MUSK: variants seen among roughly 807,000 people sequenced by gnomAD.
The protein encoded by MUSK is muscle, skeletal receptor tyrosine-protein kinase.
In MUSK, 55 loss-of-function variants were observed where a neutral mutation model predicts 88.7. That is an observed-to-expected ratio of 0.62 (90% CI 0.50 to 0.78). The LOEUF (loss-of-function observed/expected upper bound fraction) is 0.78, where lower values mean the gene tolerates loss of function less well. Among genes scored for constraint, MUSK ranks in the 30% least tolerant of loss-of-function variants. MUSK has a pLI of 0.00. For missense variants in MUSK, 1,015 were observed against 1,074.3 expected (o/e 0.94, Z 0.77); for synonymous variants, 387 against 391.9 (o/e 0.99, Z 0.15).
chr9:110,776,423 C>A (rs2077672262), intron 10 of MUSK, among the ~76,000 whole-genome samples: 1 of 152,202 alleles, frequency 6.6e-6, no homozygotes, highest in South Asian at 2.1e-4. Context: ...CTTTAATGAA[C>A]TTTGTTTGTA....
At position 110,787,841 on chromosome 9, in the gene MUSK, A is replaced by T; in HGVS notation, c.1927+3A>T. On this transcript the variant is annotated splice_donor_region_variant and intron_variant, in intron 14 of 14. Coordinates refer to ENST00000374448, the MANE Select transcript of MUSK (RefSeq NM_005592.4). The stretch of plus-strand genomic sequence containing the variant: ...CCCTAACATTGTGAAGCTATTAGGT[A>T]TGAAAATACAAGTGAGGATATGTAT... 1 of 1,608,414 alleles carries T rather than the reference A, an allele frequency of 6.2e-7. No individual in the cohort carries two copies. The highest frequency in any genetic ancestry group is 1.3e-5 in the African/African-American group (1 of 75,010).
At chr9:110,691,119 C>T (rs1465196135) in intron 3 of MUSK, among the ~76,000 whole-genome samples, 1 of 151,960 alleles carries the variant, frequency 6.6e-6, no homozygotes, top group Non-Finnish European at 1.5e-5. Context: ...CCCACTTTGG[C>T]CTCCCAAAGT....
chr9:110,682,659 CTCCTT>C lies in MUSK; in HGVS notation c.80-7_80-3del, dbSNP rs750793970. The C allele has an allele frequency of 6.2e-7, 1 of 1,609,040 alleles. No individual in the cohort carries two copies. Among genetic ancestry groups the C allele is most frequent in the Non-Finnish European group, 8.5e-7 (1 of 1,177,394 alleles). ...ATTCTAGAATGTTCTCTTTTGATTTCTCCTTTCCTTTCAGCTCCTGTCATCACCAC... is the reference window on the plus strand; with the variant it reads ...ATTCTAGAATGTTCTCTTTTGATTTCTCCTTTCAGCTCCTGTCATCACCAC... On this transcript the variant is annotated splice_polypyrimidine_tract_variant and intron_variant, in intron 1 of 14. Transcript: ENST00000374448.
chr9:110,689,399 G>A (rs12352970), intron 3 of MUSK, among the ~76,000 whole-genome samples: 75,647 of 108,218 alleles, frequency 0.7, 27,191 homozygotes, highest in African/African-American at 0.87. Flanking sequence ...AAAAATATGT[G>A]AAAAATACAT....
intron 9 of MUSK, among the ~76,000 whole-genome samples, chr9:110,773,242 A>G (rs1032145371): frequency 1.3e-5 from 2 of 152,122 alleles, no homozygotes; most frequent in African/African-American, 4.8e-5. Context: ...GAATGCTTTA[A>G]GGAAGACCAG....
chr9:110,776,043 T>C, intron 10 of MUSK, 80 bp downstream of exon 10: 2 of 1,440,672 alleles, frequency 1.4e-6, no homozygotes, highest in Non-Finnish European at 1.9e-6. Context: ...AACTTAAAGC[T>C]TCTAATATTT....
intron 1 of MUSK, among the ~76,000 whole-genome samples, chr9:110,676,885 T>C (rs2076038252): frequency 6.6e-6 from 1 of 152,178 alleles, no homozygotes; most frequent in Non-Finnish European, 1.5e-5. Flanking sequence ...TTTACAAATT[T>C]CAGAGGCTGT....
chr9:110,763,947 C>T (rs972516190), intron 8 of MUSK, among the ~76,000 whole-genome samples: 1 of 152,042 alleles, frequency 6.6e-6, no homozygotes, highest in African/African-American at 2.4e-5. Flanking sequence ...TTACCTACTC[C>T]CTTTGACCAC....
chr9:110,755,935 T>TATATATATATATACGTATATATATAC lies in MUSK; in HGVS notation c.914-6254_914-6253insCGTATATATATACATATATATATATA, dbSNP rs1564268522. Among the ~76,000 whole-genome samples, 15 of 77,658 alleles carry TATATATATATATACGTATATATATAC rather than the reference T, an allele frequency of 1.9e-4. 3 individuals carry two copies. The East Asian group carries it at 6.3e-3, about 32-fold the overall frequency. The allele number at this position is 77,658 out of a possible 152,430, so 50.9% of individuals were successfully genotyped here. On this transcript the variant is annotated intron_variant, in intron 7 of 14. Transcript: ENST00000374448. ...GTGCCCAGTGCCATATATATATACA[T>TATATATATATATACGTATATATATAC]ATATATATATATATACACATATATA...
chr9:110,738,854 C>A (rs1019793535), intron 6 of MUSK, among the ~76,000 whole-genome samples: 1 of 152,148 alleles, frequency 6.6e-6, no homozygotes, highest in African/African-American at 2.4e-5. Context: ...TAAGATGATA[C>A]CAGTGATGCA....
At chr9:110,761,007 G>A (rs1564272898) in intron 7 of MUSK, among the ~76,000 whole-genome samples, 1 of 152,132 alleles carries the variant, frequency 6.6e-6, no homozygotes, top group Non-Finnish European at 1.5e-5. Context: ...ATGGCAAATT[G>A]GTTTTAGACA....
chr9:110,781,425 C>A (rs953265274), intron 11 of MUSK, among the ~76,000 whole-genome samples: 60 of 152,230 alleles, frequency 3.9e-4, no homozygotes, highest in Non-Finnish European at 7.1e-4. Context: ...TACAGGCGCC[C>A]ACCACCATGC....
In MUSK at chr9:110,781,924, T is replaced by A. The variant is rs73655628; in HGVS notation, c.1385-2891T>A. Among the ~76,000 whole-genome samples, 1,179 of 152,336 alleles carry A rather than the reference T, an allele frequency of 7.7e-3. 15 individuals carry two copies. Among genetic ancestry groups the A allele is most frequent in the African/African-American group, 0.027 (1,127 of 41,576 alleles). On this transcript the variant is annotated intron_variant, in intron 11 of 14. Transcript: ENST00000374448. ...AACTGGTTACTGGCTACTCACCATT[T>A]ATGTTTAACTTACAGTTACTCACTC... is the stretch of plus-strand genomic sequence containing the variant.
chr9:110,775,293 G>A, intron 9 of MUSK: 1 of 165,548 alleles, frequency 6.0e-6, no homozygotes, highest in Non-Finnish European at 1.3e-5. Flanking sequence ...GGGAGGTGGT[G>A]GTGTTCTGTT....
chr9:110,769,928 C>T (rs1281356165), intron 9 of MUSK, among the ~76,000 whole-genome samples: 1 of 151,884 alleles, frequency 6.6e-6, no homozygotes, highest in African/African-American at 2.4e-5. Flanking sequence ...GTGTGACAGC[C>T]ATTGTGGTTT....
chr9:110,714,426 C>G (rs928748774), intron 5 of MUSK, among the ~76,000 whole-genome samples: 12 of 152,146 alleles, frequency 7.9e-5, no homozygotes, highest in Non-Finnish European at 1.6e-4. Context: ...CTTATTTTGT[C>G]CTGGAGAAGA....
chr9:110,688,778 T>C (rs896207032), intron 3 of MUSK, among the ~76,000 whole-genome samples: 1 of 151,930 alleles, frequency 6.6e-6, no homozygotes, highest in Non-Finnish European at 1.5e-5. Flanking sequence ...TCCATGTCCC[T>C]GCAAAGGACA....
intron 11 of MUSK, among the ~76,000 whole-genome samples, chr9:110,783,587 T>C (rs1269184015): frequency 6.6e-6 from 1 of 152,072 alleles, no homozygotes; most frequent in African/African-American, 2.4e-5. Context: ...TTAATTAAAA[T>C]TCCATTGATT....
At position 110,747,666 on chromosome 9, in the gene MUSK, G is replaced by A; in HGVS notation, c.779G>A (p.Ser260Asn). 2 of 1,613,734 alleles carry A rather than the reference G, an allele frequency of 1.2e-6. No homozygotes were observed. Among genetic ancestry groups the A allele is most frequent in the Non-Finnish European group, 1.7e-6 (2 of 1,179,694 alleles). The change falls in exon 7 of 15, where the codon AGT becomes AAT. Residue 260 changes from serine to asparagine, a missense_variant. Transcript: ENST00000374448. The part of the protein sequence containing the change: ...NAVSSGSIQE[S>N]VKDRVIDSRL... ...GTTTCTTCTGGGTCCATTCAAGAGA[G>A]TGTGAAAGACCGAGTGATTGACTCA...
Sources: allele counts gnomAD v4.1 joint callset (sites outside exome capture counted in the v4.1 genomes callset), GRCh38; gene constraint gnomAD v4.1.1; transcripts MANE v1.5; gene names NCBI Gene and HGNC (gene_info 2026-07-23, HGNC 2026-07-21).